SLIT3: variants seen among roughly 807,000 people sequenced by gnomAD.
The protein encoded by SLIT3 is slit guidance ligand 3.
A neutral mutation model predicts 184.0 loss-of-function variants in SLIT3; 68 were observed. The ratio of observed to expected loss-of-function variants is 0.37; its 90% confidence interval spans 0.30 to 0.45. The LOEUF is 0.45. Among genes scored for constraint, SLIT3 ranks in the 20% least tolerant of loss-of-function variants. The probability of loss-of-function intolerance (pLI) is 1.00; values close to 1 mark genes in which losing one functional copy is unlikely to be tolerated. For synonymous variants in SLIT3, 831 were observed against 828.6 expected, an observed-to-expected ratio of 1.00 and a Z score of -0.05; for missense variants, 1,707 against 2,026.0, an observed-to-expected ratio of 0.84 and a Z score of 3.02.
rs1379010657 is a variant in SLIT3, at chr5:168,671,249, C to T, written c.4076G>A (p.Trp1359Ter). The part of the protein sequence containing the change: ...DSVVCECRPG[W>*]TGPLCDQEAR... ...CTCCTGATCGCAGAGTGGGCCGGTCCAGCCTGGGCGGCACTCGCACACCAC... is the reference window on the plus strand; with the variant it reads ...CTCCTGATCGCAGAGTGGGCCGGTCTAGCCTGGGCGGCACTCGCACACCAC... Residue 1359 changes from tryptophan (W) to a stop codon, truncating the protein, a stop_gained, in exon 34 of 36, where the codon TGG becomes TAG. Transcript: ENST00000519560. LOFTEE classifies it high-confidence loss of function. The T allele has an allele frequency of 6.2e-7, 1 of 1,613,050 alleles. No individual in the cohort carries two copies.
chr5:169,135,745 A>T (rs1378884797), intron 4 of SLIT3, among the ~76,000 whole-genome samples: 1 of 152,214 alleles, frequency 6.6e-6, no homozygotes, highest in Non-Finnish European at 1.5e-5. Flanking sequence ...GAACTAGGCA[A>T]TCTCCATGAG....
At chr5:168,864,287 C>A (rs974927778) in intron 5 of SLIT3, among the ~76,000 whole-genome samples, 3 of 152,156 alleles carry the variant, frequency 2.0e-5, no homozygotes, top group African/African-American at 7.2e-5. Context: ...ACCTAGTTTT[C>A]TCATTTATGA....
chr5:168,733,284 A>G lies in SLIT3; in HGVS notation c.2271-8800T>C, dbSNP rs75058253. ...ATGACCATTATTAAAAAGTCTAAAA[A>G]CAACAGATTTTTGGTGAGAATGTGG... On this transcript the variant is annotated intron_variant, in intron 20 of 35. Coordinates refer to ENST00000519560, the MANE Select transcript of SLIT3 (RefSeq NM_003062.4). Among the ~76,000 whole-genome samples, 758 of 152,298 alleles carry G rather than the reference A, an allele frequency of 5.0e-3. 19 individuals carry two copies. In the East Asian group the frequency reaches 0.065, roughly 13 times the overall value.
chr5:168,842,833 T>C (rs1333716437), intron 6 of SLIT3, among the ~76,000 whole-genome samples: 1 of 152,232 alleles, frequency 6.6e-6, no homozygotes, highest in Non-Finnish European at 1.5e-5. Flanking sequence ...TTCCGTTTCC[T>C]GGTCTCTTCC....
chr5:169,001,477 G>T (rs190971842), intron 4 of SLIT3, among the ~76,000 whole-genome samples: 1 of 152,146 alleles, frequency 6.6e-6, no homozygotes, highest in South Asian at 2.1e-4. Context: ...GGCGGGTCAC[G>T]TCTTTTTTTT....
chr5:168,941,556 A>C (rs908335605), intron 4 of SLIT3, among the ~76,000 whole-genome samples: 1 of 152,358 alleles, frequency 6.6e-6, no homozygotes, highest in Non-Finnish European at 1.5e-5. Flanking sequence ...AGTAGGGGAT[A>C]CAATTCTCCT....
At chr5:169,112,140 A>C (rs1343091362) in intron 4 of SLIT3, among the ~76,000 whole-genome samples, 1 of 152,210 alleles carries the variant, frequency 6.6e-6, no homozygotes, top group Non-Finnish European at 1.5e-5. Context: ...GCTTGTTACA[A>C]AGTAGATGCC....
chr5:168,756,526 C>T (rs1012520404), intron 16 of SLIT3, among the ~76,000 whole-genome samples: 8 of 152,218 alleles, frequency 5.3e-5, no homozygotes, highest in African/African-American at 1.7e-4. Context: ...TTCCCAGCAT[C>T]CCTCGCCCAA....
intron 4 of SLIT3, among the ~76,000 whole-genome samples, chr5:168,887,353 T>G (rs1760258586): frequency 6.6e-6 from 1 of 152,176 alleles, no homozygotes; most frequent in Admixed American, 6.5e-5. Context: ...CCCAAATTAA[T>G]TCCGAAGCTA....
At chr5:168,874,630 G>T in intron 5 of SLIT3, among the ~76,000 whole-genome samples, 1 of 152,146 alleles carries the variant, frequency 6.6e-6, no homozygotes, top group Non-Finnish European at 1.5e-5. Context: ...GTGTCATCTT[G>T]GCCTAGAAGA....
rs766572333 is a variant in SLIT3 at position 168,823,328 on chromosome 5, G to A, written c.561C>T (p.Thr187=). ...TGCGACTGATGTTGTTGTTGTTGAG[G>A]GTACTGTGGAGATAGACAAGGGAGA... is the stretch of plus-strand genomic sequence containing the variant. ...FRALRDLEIL[T]LNNNNISRIL... is the part of the protein sequence containing the mutation. Residue 187 remains threonine, a synonymous_variant, in exon 7 of 36, where the codon ACC becomes ACT. Coordinates refer to ENST00000519560, the MANE Select transcript of SLIT3 (RefSeq NM_003062.4). The A allele has an allele frequency of 6.2e-7, 1 of 1,613,426 alleles. No homozygotes were observed. Among genetic ancestry groups the A allele is most frequent in the South Asian group, 1.1e-5 (1 of 91,058 alleles).
intron 4 of SLIT3, among the ~76,000 whole-genome samples, chr5:168,940,730 T>A (rs988874221): frequency 3.9e-5 from 6 of 152,210 alleles, no homozygotes; most frequent in South Asian, 2.1e-4. Flanking sequence ...GACAGTTTTA[T>A]TTGCTAATAT....
At chr5:169,136,247 A>C (rs1761498692) in intron 4 of SLIT3, among the ~76,000 whole-genome samples, 1 of 152,176 alleles carries the variant, frequency 6.6e-6, no homozygotes, top group South Asian at 2.1e-4. Flanking sequence ...AGCATGAACT[A>C]CGAGACTGAA....
intron 16 of SLIT3, among the ~76,000 whole-genome samples, chr5:168,758,149 T>C (rs917752134): frequency 3.9e-5 from 6 of 152,172 alleles, no homozygotes; most frequent in Non-Finnish European, 8.8e-5. Context: ...AGGCCCATAT[T>C]TTTCCAGAGA....
At chr5:168,878,657 CT>C (rs1282364961) in intron 5 of SLIT3, among the ~76,000 whole-genome samples, 1 of 151,520 alleles carries the variant, frequency 6.6e-6, no homozygotes, top group East Asian at 1.9e-4. Context: ...CTTTTACCAA[CT>C]TATACACATT....
chr5:169,167,512 G>A (rs1009538907), intron 4 of SLIT3, among the ~76,000 whole-genome samples: 5 of 151,922 alleles, frequency 3.3e-5, no homozygotes, highest in South Asian at 2.1e-4. Context: ...TCCTGACCTC[G>A]TGATCCGCTT....
At chr5:168,758,253 A>C (rs1755022336) in intron 16 of SLIT3, among the ~76,000 whole-genome samples, 1 of 152,176 alleles carries the variant, frequency 6.6e-6, no homozygotes, top group Non-Finnish European at 1.5e-5. Context: ...GGCATACAGA[A>C]ATATTCTCTA....
intron 4 of SLIT3, among the ~76,000 whole-genome samples, chr5:168,992,268 A>G (rs1755356348): frequency 6.6e-6 from 1 of 152,146 alleles, no homozygotes; most frequent in Non-Finnish European, 1.5e-5. Context: ...CCAGCCAAGG[A>G]GTCTGTGGAA....
intron 4 of SLIT3, among the ~76,000 whole-genome samples, chr5:168,907,975 T>TAGAGAGAGAGAGAG (rs1421951059): frequency 2.3e-4 from 15 of 64,642 alleles, no homozygotes; most frequent in South Asian, 5.1e-4. Context: ...TATATATATA[T>TAGAGAGAGAGAGAG]ATATAGAGAG....
Sources: allele counts gnomAD v4.1 joint callset (sites outside exome capture counted in the v4.1 genomes callset), GRCh38; gene constraint gnomAD v4.1.1; transcripts MANE v1.5; gene names NCBI Gene and HGNC (gene_info 2026-07-23, HGNC 2026-07-21).